Variants in PC observed in about 807,000 individuals in gnomAD.
PC encodes the protein pyruvate carboxylase, mitochondrial.
In PC, 46 loss-of-function variants were observed where a neutral mutation model predicts 107.8. The observed-to-expected ratio is 0.43, with a 90% CI of 0.34 to 0.55. The LOEUF is 0.55. PC is among the 20% of genes least tolerant of loss of function. The probability of loss-of-function intolerance (pLI) is 0.04; values close to 1 mark genes in which losing one functional copy is unlikely to be tolerated. For synonymous variants in PC, 662 were observed against 684.7 expected (o/e 0.97, Z 0.52); for missense variants, 1,241 against 1,643.1 (o/e 0.76, Z 4.23).
chr11:66,878,946 C>T (rs1042583889), intron 3 of PC, among the ~76,000 whole-genome samples: 2 of 152,222 alleles, frequency 1.3e-5, no homozygotes, highest in African/African-American at 4.8e-5. Flanking sequence ...CCAGCTTTCA[C>T]ATCTGTAAAA....
chr11:66,858,275 C>G lies in PC; in HGVS notation c.1369-4892G>C. 1 of 1,612,142 alleles carries G rather than the reference C, an allele frequency of 6.2e-7. No individual in the cohort carries two copies. The highest frequency in any genetic ancestry group is 1.1e-5 in the South Asian group (1 of 91,086). On this transcript the variant is annotated intron_variant, in intron 12 of 22. Coordinates refer to ENST00000393960, the MANE Select transcript of PC (RefSeq NM_001040716.2). The surrounding 1 kb of genome is among the most constrained non-coding windows in gnomAD (Gnocchi z 5.9). Reference sequence around the variant, plus strand: ...CTGCCCTGCACACCCTCAACCTGGACCATAACCTTATTGACGCACTGCCCC... The same window carrying G: ...CTGCCCTGCACACCCTCAACCTGGAGCATAACCTTATTGACGCACTGCCCC...
chr11:66,946,427 G>A (rs557539411), intron 3 of PC, among the ~76,000 whole-genome samples: 4 of 152,060 alleles, frequency 2.6e-5, no homozygotes, highest in South Asian at 2.1e-4. Flanking sequence ...TCGGGAGTTC[G>A]AGATCAGCCT....
At chr11:66,929,741 TC>T (rs1360707527) in intron 3 of PC, among the ~76,000 whole-genome samples, 1 of 152,128 alleles carries the variant, frequency 6.6e-6, no homozygotes, top group Non-Finnish European at 1.5e-5. Flanking sequence ...GGTTTCAAAC[TC>T]CTGGGCTCAA....
At chr11:66,889,303 G>A (rs1947480381) in intron 3 of PC, among the ~76,000 whole-genome samples, 3 of 151,982 alleles carry the variant, frequency 2.0e-5, no homozygotes, top group Admixed American at 1.3e-4. Flanking sequence ...TCATGGGGAG[G>A]GCAGTGGGAC....
intron 12 of PC, among the ~76,000 whole-genome samples, chr11:66,861,668 A>T (rs912290543): frequency 3.3e-5 from 5 of 151,968 alleles, no homozygotes; most frequent in African/African-American, 1.2e-4. Flanking sequence ...CAGACGGCAA[A>T]GGGACAGGAG....
In PC at chr11:66,937,563, C is replaced by T. The variant is rs377040674; in HGVS notation, c.-1+14867G>A. Among the ~76,000 whole-genome samples the T allele has an allele frequency of 1.3e-3, 202 of 152,152 alleles. 2 individuals carry two copies. The Middle Eastern group carries it at 0.034, about 26-fold the overall frequency. On this transcript the variant is annotated intron_variant, in intron 3 of 22. Coordinates refer to ENST00000393960, the MANE Select transcript of PC (RefSeq NM_001040716.2). The stretch of plus-strand genomic sequence containing the variant: ...CTTTCTCTCCTCTCCTTCTGGGACT[C>T]TCATGATGCATATGTTGATTTGTGT...
At position 66,866,111 on chromosome 11, in the gene PC, G is replaced by A; in HGVS notation, c.1185+76C>T. The stretch of plus-strand genomic sequence containing the variant: ...CTAACTGCCGGGCTGTGGCAACTTG[G>A]CACTGCAGCCCCAGGCACCAGGCAG... On this transcript the variant is annotated intron_variant, in intron 11 of 22. Coordinates refer to ENST00000393960, the MANE Select transcript of PC (RefSeq NM_001040716.2). The surrounding 1 kb of genome is among the most constrained non-coding windows in gnomAD (Gnocchi z 5.4). 1.3e-6 allele frequency: 2 copies of A among 1,516,778 alleles called. No homozygotes were observed. Among genetic ancestry groups the A allele is most frequent in the Non-Finnish European group, 1.8e-6 (2 of 1,114,826 alleles). 94.0% of individuals were successfully genotyped at this position (1,516,778 alleles called of 1,614,324 possible).
chr11:66,849,962 C>G lies in PC; in HGVS notation c.2873G>C (p.Gly958Ala). The G allele has an allele frequency of 6.2e-7, 1 of 1,613,654 alleles. No homozygotes were observed. The highest frequency in any genetic ancestry group is 1.3e-5 in the African/African-American group (1 of 75,082). Residue 958 changes from glycine (G) to alanine (A), a missense_variant, in exon 20 of 23, where the codon GGG (glycine) becomes GCG (alanine). Gly to Ala is a moderately conservative substitution (Grantham distance 60, BLOSUM62 0). Coordinates refer to ENST00000393960, the MANE Select transcript of PC (RefSeq NM_001040716.2). ...CTTAGAGCGAAAGGGTTCGGGGAAC[C>G]CCCCATGGGGGACACCGATGTAGCC... ...LQGYIGVPHG[G>A]FPEPFRSKVL...
chr11:66,858,035 C>G lies in PC; in HGVS notation c.1369-4652G>C, dbSNP rs745877977. On this transcript the variant is annotated intron_variant, in intron 12 of 22. Coordinates refer to ENST00000393960, the MANE Select transcript of PC (RefSeq NM_001040716.2). The surrounding 1 kb of genome is among the most constrained non-coding windows in gnomAD (Gnocchi z 5.9). ...CCCGCGCCTTTGGGGACCTCGAGAGCCTGCGTTCCCTCCACCTTGACGGCA... is the reference window on the plus strand; with the variant it reads ...CCCGCGCCTTTGGGGACCTCGAGAGGCTGCGTTCCCTCCACCTTGACGGCA... The G allele has an allele frequency of 9.9e-6, 16 of 1,611,518 alleles. No homozygotes were observed. Among genetic ancestry groups the G allele is most frequent in the Non-Finnish European group, 1.4e-5 (16 of 1,179,630 alleles).
At chr11:66,948,256 G>C (rs1257850416) in intron 3 of PC, among the ~76,000 whole-genome samples, 1 of 151,590 alleles carries the variant, frequency 6.6e-6, no homozygotes, top group Non-Finnish European at 1.5e-5. Context: ...CAACAACATG[G>C]ACATATCTCA....
At chr11:66,863,333 A>C (rs1451145712) in intron 12 of PC, among the ~76,000 whole-genome samples, 1 of 152,188 alleles carries the variant, frequency 6.6e-6, no homozygotes, top group East Asian at 1.9e-4. Flanking sequence ...GCAAGATTCC[A>C]CTTCAAAAAT....
At chr11:66,862,303 C>T (rs1245449324) in intron 12 of PC, among the ~76,000 whole-genome samples, 2 of 152,190 alleles carry the variant, frequency 1.3e-5, no homozygotes, top group African/African-American at 2.4e-5. Context: ...GCTGTTCCCT[C>T]TTAAGGTGGG....
intron 3 of PC, among the ~76,000 whole-genome samples, chr11:66,951,038 G>A (rs375610255): frequency 1.6e-3 from 238 of 152,258 alleles, no homozygotes; most frequent in African/African-American, 5.4e-3. Context: ...GTAGCACGCA[G>A]ACGGCACCTG....
At chr11:66,934,537 T>C (rs969854135) in intron 3 of PC, 1 of 154,150 alleles carries the variant, frequency 6.5e-6, no homozygotes, top group Non-Finnish European at 1.5e-5. Flanking sequence ...AGGAACTTGC[T>C]GATCAGGGCT....
intron 16 of PC, 119 bp downstream of exon 16, chr11:66,851,671 G>T: frequency 1.9e-6 from 2 of 1,059,652 alleles, no homozygotes; most frequent in Non-Finnish European, 2.9e-6. Flanking sequence ...CCCCTGCTGC[G>T]TGTGGCCACA....
chr11:66,867,793 T>C (rs1946557701), intron 10 of PC, among the ~76,000 whole-genome samples: 1 of 152,212 alleles, frequency 6.6e-6, no homozygotes, highest in Non-Finnish European at 1.5e-5. Flanking sequence ...GGGAAGAGTC[T>C]CACTCGGCCA....
At chr11:66,855,872 A>AG (rs1454015331) in intron 12 of PC, among the ~76,000 whole-genome samples, 1 of 152,252 alleles carries the variant, frequency 6.6e-6, no homozygotes, top group African/African-American at 2.4e-5. Flanking sequence ...TAACGTGCCC[A>AG]GGACTACACT....
At chr11:66,940,925 A>C (rs1949113931) in intron 3 of PC, among the ~76,000 whole-genome samples, 1 of 151,414 alleles carries the variant, frequency 6.6e-6, no homozygotes, top group Non-Finnish European at 1.5e-5. Flanking sequence ...AAAATACAAA[A>C]ATTAGCCAGG....
At chr11:66,940,007 C>T (rs759617753) in intron 3 of PC, among the ~76,000 whole-genome samples, 1 of 151,946 alleles carries the variant, frequency 6.6e-6, no homozygotes, top group South Asian at 2.1e-4. Context: ...TTCTTGGATA[C>T]AACACCAAAG....
Sources: gnomAD v4.1 joint callset for allele counts (sites outside exome capture counted in the v4.1 genomes callset) on GRCh38, gnomAD v4.1.1 for gene constraint, Gnocchi (gnomAD v3.1) non-coding constraint, MANE v1.5 for transcripts, NCBI Gene and HGNC (gene_info 2026-07-23, HGNC 2026-07-21) for gene names.